FGD4: variants seen among roughly 807,000 people sequenced by gnomAD.
The protein encoded by FGD4 is FYVE, RhoGEF and PH domain containing 4.
Under a neutral mutation model 102.0 loss-of-function variants are expected in FGD4, and 42 were observed. That is an observed-to-expected ratio of 0.41 (90% CI 0.32 to 0.53). The LOEUF is 0.53. Among genes scored for constraint, FGD4 ranks in the 20% least tolerant of loss-of-function variants. FGD4 has a pLI of 0.21. For synonymous variants in FGD4, 380 were observed against 375.7 expected (o/e 1.01, Z -0.13); for missense variants, 902 against 1,078.2 (o/e 0.84, Z 2.29).
intron 1 of FGD4, among the ~76,000 whole-genome samples, chr12:32,420,420 C>T (rs1591864705): frequency 6.6e-6 from 1 of 152,146 alleles, no homozygotes; most frequent in African/African-American, 2.4e-5. Context: ...CCTTCCAAAA[C>T]TGCCTTTTAT....
chr12:32,608,874 T>C (rs866338960), intron 8 of FGD4, among the ~76,000 whole-genome samples: 3 of 152,310 alleles, frequency 2.0e-5, no homozygotes, highest in Middle Eastern at 3.4e-3. Context: ...ATTTTTTGTC[T>C]TGGATCCTTA....
intron 11 of FGD4, 112 bp from the exon 12 acceptor site, chr12:32,624,310 A>G (rs1950019740): frequency 3.6e-6 from 3 of 834,404 alleles, no homozygotes; most frequent in Non-Finnish European, 3.9e-6. Flanking sequence ...AATTCCTTCC[A>G]TAACATCCCT....
chr12:32,613,456 A>G, intron 10 of FGD4, among the ~76,000 whole-genome samples: 1 of 152,200 alleles, frequency 6.6e-6, no homozygotes, highest in Non-Finnish European at 1.5e-5. Context: ...TAAGAAGGAT[A>G]AGACATCAGT....
intron 15 of FGD4, 86 bp from the exon 16 acceptor site, chr12:32,638,568 AT>A: frequency 6.5e-7 from 1 of 1,548,892 alleles, no homozygotes; most frequent in Non-Finnish European, 8.9e-7. Flanking sequence ...CCAGGGAAAC[AT>A]TTTGTATAAA....
intron 10 of FGD4, among the ~76,000 whole-genome samples, chr12:32,614,810 G>A (rs995925163): frequency 1.3e-5 from 2 of 152,158 alleles, no homozygotes; most frequent in Non-Finnish European, 2.9e-5. Context: ...TGGATTAAAT[G>A]GCTGCTATCA....
chr12:32,423,920 T>C (rs1436547136), intron 1 of FGD4, among the ~76,000 whole-genome samples: 1 of 151,706 alleles, frequency 6.6e-6, no homozygotes, highest in Non-Finnish European at 1.5e-5. Flanking sequence ...CATTCTATTC[T>C]CTACTTCCAT....
At position 32,399,621 on chromosome 12, in the gene FGD4, G is replaced by C. The variant is rs1047488112; in HGVS notation, c.-173G>C. The C allele has an allele frequency of 1.4e-5, 20 of 1,396,626 alleles. No individual in the cohort carries two copies. Among genetic ancestry groups the C allele is most frequent in the Non-Finnish European group, 1.9e-5 (20 of 1,080,942 alleles). 86.5% of individuals were successfully genotyped at this position (1,396,626 alleles called of 1,614,324 possible). On this transcript the variant is annotated 5_prime_UTR_variant, in exon 1 of 17. Transcript: ENST00000534526. ...GCAGCCAAACTCGCCGCGACGCCGG[G>C]AGGGAGCGTACCGGGAAGGAGAGGG... is the stretch of plus-strand genomic sequence containing the variant.
intron 14 of FGD4, 42 bp from the exon 15 acceptor site, chr12:32,633,507 C>G: frequency 6.4e-7 from 1 of 1,568,616 alleles, no homozygotes. Context: ...TAAATCATAT[C>G]CTTTAAATAT....
chr12:32,486,199 A>G, intron 1 of FGD4: 1 of 1,492,028 alleles, frequency 6.7e-7, no homozygotes, highest in South Asian at 1.2e-5. Flanking sequence ...AAACATTTGG[A>G]TTTTTTCACT....
chr12:32,469,577 G>A (rs533922470), intron 1 of FGD4, among the ~76,000 whole-genome samples: 3 of 151,994 alleles, frequency 2.0e-5, no homozygotes, highest in Middle Eastern at 3.5e-3. Flanking sequence ...CACCACGTCC[G>A]GCCATTTGCT....
intron 1 of FGD4, among the ~76,000 whole-genome samples, chr12:32,495,917 C>T (rs1018215107): frequency 1.3e-5 from 2 of 152,076 alleles, no homozygotes; most frequent in African/African-American, 4.8e-5. Flanking sequence ...TTAGATACAC[C>T]CCAGTCCTAG....
At position 32,500,386 on chromosome 12, in the gene FGD4, A is replaced by AT. The variant is rs1231730908; in HGVS notation, c.167-63747dup. 1.5e-3 allele frequency among the ~76,000 whole-genome samples: 228 copies of AT among 147,860 alleles called. 1 individual carries two copies. Among genetic ancestry groups the AT allele is most frequent in the African/African-American group, 5.6e-3 (225 of 40,172 alleles). On this transcript the variant is annotated intron_variant, in intron 1 of 16. Coordinates refer to ENST00000534526, the MANE Select transcript of FGD4 (RefSeq NM_001370298.3). The stretch of plus-strand genomic sequence containing the variant: ...CACATAGTCTTTCTGACCTTATTTT[A>AT]TTTTATTTTTATTTTATTTTATTTT...
chr12:32,442,296 A>G (rs1411943657), intron 1 of FGD4, among the ~76,000 whole-genome samples: 3 of 151,570 alleles, frequency 2.0e-5, no homozygotes, highest in Non-Finnish European at 2.9e-5. Context: ...CTTGTGATCC[A>G]CCCACCTCAG....
intron 10 of FGD4, among the ~76,000 whole-genome samples, chr12:32,618,456 C>G (rs1427250484): frequency 6.6e-6 from 1 of 151,906 alleles, no homozygotes; most frequent in Non-Finnish European, 1.5e-5. Flanking sequence ...CCTTTTGGAG[C>G]TTTTTTTCAC....
At chr12:32,456,482 G>A (rs1942952031) in intron 1 of FGD4, among the ~76,000 whole-genome samples, 1 of 152,048 alleles carries the variant, frequency 6.6e-6, no homozygotes. Flanking sequence ...CTTGGTTGTT[G>A]GAATTGCCAG....
At chr12:32,526,377 A>G (rs1941205145) in intron 1 of FGD4, among the ~76,000 whole-genome samples, 1 of 152,176 alleles carries the variant, frequency 6.6e-6, no homozygotes, top group South Asian at 2.1e-4. Context: ...GTTTAGCTCA[A>G]GGTTTGTGAA....
chr12:32,451,181 T>A (rs1942765074), intron 1 of FGD4, among the ~76,000 whole-genome samples: 1 of 152,234 alleles, frequency 6.6e-6, no homozygotes, highest in Admixed American at 6.5e-5. Flanking sequence ...ATCTAATTAA[T>A]TTTCTTTTTG....
rs748719209 is a variant in FGD4, at chr12:32,598,511, A to G, written c.1026A>G (p.Gln342=). The part of the protein sequence containing the change: ...QHHEMKETNE[Q]KLHKIANELL... ...CCAATTTTTAGGAGACTAATGAGCA[A>G]AAACTTCACAAAATAGCCAATGAAC... Residue 342 remains glutamine (Q), a synonymous_variant, in exon 5 of 17, where the codon CAA becomes CAG. Coordinates refer to ENST00000534526, the MANE Select transcript of FGD4 (RefSeq NM_001370298.3). The G allele has an allele frequency of 1.2e-6, 2 of 1,613,234 alleles. No individual in the cohort carries two copies. Among genetic ancestry groups the G allele is most frequent in the African/African-American group, 1.3e-5 (1 of 74,910 alleles).
At chr12:32,482,128 C>T (rs1017643421) in intron 1 of FGD4, among the ~76,000 whole-genome samples, 5 of 151,958 alleles carry the variant, frequency 3.3e-5, no homozygotes, top group South Asian at 2.1e-4. Flanking sequence ...AAAAAAGTGC[C>T]GTGACTTTCA....
Sources: gnomAD v4.1 joint callset for allele counts (sites outside exome capture counted in the v4.1 genomes callset) on GRCh38, gnomAD v4.1.1 for gene constraint, MANE v1.5 for transcripts, NCBI Gene and HGNC (gene_info 2026-07-23, HGNC 2026-07-21) for gene names.